NRG1: variants seen among roughly 807,000 people sequenced by gnomAD.
NRG1 encodes pro-neuregulin-1, membrane-bound isoform.
In NRG1, 18 loss-of-function variants were observed where a neutral mutation model predicts 63.8. That is an observed-to-expected ratio of 0.28 (90% CI 0.19 to 0.42). NRG1 has a LOEUF of 0.42. Among genes scored for constraint, NRG1 ranks in the 10% least tolerant of loss-of-function variants. The pLI is 1.00. For missense variants in NRG1, 762 were observed against 814.7 expected, an observed-to-expected ratio of 0.94 and a Z score of 0.79; for synonymous variants, 302 against 301.3, an observed-to-expected ratio of 1.00 and a Z score of -0.02.
At chr8:32,098,885 T>G (rs1830209436) in intron 1 of NRG1, 1 of 152,190 alleles carries the variant, frequency 6.6e-6, no homozygotes, top group African/African-American at 2.4e-5. Flanking sequence ...CACATAACCA[T>G]GGGTAGCCAT....
chr8:32,560,727 T>C (rs1419065540), intron 1 of NRG1, among the ~76,000 whole-genome samples: 2 of 152,218 alleles, frequency 1.3e-5, no homozygotes, highest in Non-Finnish European at 2.9e-5. Flanking sequence ...GACTAATGAA[T>C]TGGAATTAGA....
chr8:31,960,464 G>T lies in NRG1; in HGVS notation c.37+321033G>T, dbSNP rs570695989. Among the ~76,000 whole-genome samples, 114 of 152,264 alleles carry T rather than the reference G, an allele frequency of 7.5e-4. 1 individual carries two copies. The highest frequency in any genetic ancestry group is 2.5e-3 in the African/African-American group (104 of 41,556). On this transcript the variant is annotated intron_variant, in intron 1 of 10. Transcript: ENST00000519301. ...GCTTCTGGATGGCTTTCGGTCTCTG[G>T]CCAGGTGCTGATGGAAAGCTCTCCT... is the stretch of plus-strand genomic sequence containing the variant.
chr8:31,939,841 A>G (rs1340409947), intron 1 of NRG1, among the ~76,000 whole-genome samples: 2 of 152,190 alleles, frequency 1.3e-5, no homozygotes, highest in African/African-American at 2.4e-5. Context: ...TATAATGTTA[A>G]AGGGATTAGT....
chr8:31,854,255 G>C (rs1187300515), intron 1 of NRG1, among the ~76,000 whole-genome samples: 1 of 151,916 alleles, frequency 6.6e-6, no homozygotes, highest in African/African-American at 2.4e-5. Context: ...ACTCTTTTTG[G>C]TTGGTAAGCT....
intron 1 of NRG1, among the ~76,000 whole-genome samples, chr8:31,934,663 A>T (rs772327331): frequency 3.9e-5 from 6 of 152,068 alleles, no homozygotes; most frequent in Non-Finnish European, 8.8e-5. Context: ...TTTTACTTCT[A>T]TGGATAAATT....
chr8:32,339,171 T>C (rs148041949), intron 1 of NRG1, among the ~76,000 whole-genome samples: 57 of 152,250 alleles, frequency 3.7e-4, no homozygotes, highest in South Asian at 1.5e-3. Context: ...CTCCCTAAAG[T>C]GGTCTACTTG....
At chr8:31,827,507 G>T (rs1824686969) in intron 1 of NRG1, among the ~76,000 whole-genome samples, 1 of 152,054 alleles carries the variant, frequency 6.6e-6, no homozygotes, top group African/African-American at 2.4e-5. Flanking sequence ...TACTCATTTG[G>T]ACAAGATAAA....
At chr8:32,166,114 A>G (rs1257791487) in intron 1 of NRG1, among the ~76,000 whole-genome samples, 6 of 152,172 alleles carry the variant, frequency 3.9e-5, no homozygotes, top group African/African-American at 1.2e-4. Flanking sequence ...TATTGTAGCC[A>G]CTTGCCAAGT....
intron 1 of NRG1, among the ~76,000 whole-genome samples, chr8:32,360,542 G>C (rs1204797754): frequency 6.6e-6 from 1 of 152,168 alleles, no homozygotes; most frequent in Non-Finnish European, 1.5e-5. Flanking sequence ...TATGATGCTT[G>C]TGGCTTTGAC....
At chr8:32,319,081 AG>A (rs1044789208) in intron 1 of NRG1, among the ~76,000 whole-genome samples, 2 of 152,146 alleles carry the variant, frequency 1.3e-5, no homozygotes, top group African/African-American at 2.4e-5. Context: ...AAGTGCTTTA[AG>A]GGTTCTTCTT....
chr8:32,083,506 C>T (rs1237236203), intron 1 of NRG1, among the ~76,000 whole-genome samples: 2 of 152,136 alleles, frequency 1.3e-5, no homozygotes, highest in Non-Finnish European at 2.9e-5. Flanking sequence ...TCTCAAATCC[C>T]AACCTTATCT....
At chr8:32,303,831 ACT>A (rs1359130733) in intron 1 of NRG1, among the ~76,000 whole-genome samples, 2 of 152,098 alleles carry the variant, frequency 1.3e-5, no homozygotes, top group African/African-American at 4.8e-5. Flanking sequence ...GAAACCTAAC[ACT>A]CTGAAATTTA....
chr8:31,676,227 G>A (rs547227597), intron 1 of NRG1, among the ~76,000 whole-genome samples: 42 of 152,228 alleles, frequency 2.8e-4, no homozygotes, highest in African/African-American at 9.9e-4. Context: ...AGTTTATACT[G>A]TGCTCAAAGA....
Position 32,615,950 on chromosome 8 carries a change from G to A in NRG1, c.452-885G>A, listed in dbSNP as rs571372397. ...CACGTTTCTGTAATATAGGGACTTC[G>A]TTATCTGACTCCAGTAAATGCCATT... On this transcript the variant is annotated intron_variant, in intron 4 of 11. Coordinates refer to ENST00000356819, the Ensembl canonical transcript of NRG1. Among the ~76,000 whole-genome samples, 3 of 152,020 alleles carry A rather than the reference G, an allele frequency of 2.0e-5. No homozygotes were observed. In the East Asian group the frequency reaches 5.8e-4, roughly 29 times the overall value.
chr8:32,372,050 G>A (rs907215924), intron 1 of NRG1, among the ~76,000 whole-genome samples: 20 of 136,080 alleles, frequency 1.5e-4, no homozygotes, highest in African/African-American at 5.5e-4. Flanking sequence ...GTGCAATTGT[G>A]CGATCATGAC....
chr8:31,679,121 G>A (rs934546213), intron 1 of NRG1, among the ~76,000 whole-genome samples: 1 of 151,944 alleles, frequency 6.6e-6, no homozygotes, highest in Non-Finnish European at 1.5e-5. Context: ...TTTGCATGAA[G>A]GCTCTTGTTC....
chr8:32,654,436 C>T (rs970846604), intron 5 of NRG1, among the ~76,000 whole-genome samples: 2 of 152,128 alleles, frequency 1.3e-5, no homozygotes, highest in Non-Finnish European at 2.9e-5. Context: ...CCAGACCAGC[C>T]TGGCCAACAT....
intron 1 of NRG1, among the ~76,000 whole-genome samples, chr8:32,093,089 G>A (rs1333456490): frequency 6.6e-6 from 1 of 152,222 alleles, no homozygotes. Flanking sequence ...TTGTGTCTAT[G>A]TAGAAAGAAG....
intron 1 of NRG1, among the ~76,000 whole-genome samples, chr8:32,290,681 G>C (rs193003028): frequency 2.0e-5 from 3 of 152,048 alleles, no homozygotes; most frequent in Non-Finnish European, 4.4e-5. Context: ...ACCTTCTGCC[G>C]ACCCACAGAA....
Sources: gnomAD v4.1 joint callset for allele counts (sites outside exome capture counted in the v4.1 genomes callset) on GRCh38, gnomAD v4.1.1 for gene constraint, MANE v1.5 for transcripts, NCBI Gene and HGNC (gene_info 2026-07-23, HGNC 2026-07-21) for gene names.